The following LAMA1 variants were observed in gnomAD, a reference collection of about 807,000 sequenced individuals.
LAMA1 encodes laminin subunit alpha 1.
A neutral mutation model predicts 348.7 loss-of-function variants in LAMA1; 219 were observed. The ratio of observed to expected loss-of-function variants is 0.63; its 90% CI spans 0.56 to 0.70. LAMA1 has a LOEUF of 0.70. LAMA1 is among the 30% of genes least tolerant of loss of function. LAMA1 has a pLI of 0.00. For synonymous variants in LAMA1, 1,487 were observed against 1,491.0 expected (o/e 1.00, Z 0.06); for missense variants, 3,744 against 3,888.0 (o/e 0.96, Z 0.99).
chr18:7,013,530 T>C (rs74530019), intron 23 of LAMA1, among the ~76,000 whole-genome samples: 1,554 of 152,234 alleles, frequency 0.01, 11 homozygotes, highest in Middle Eastern at 0.034. Flanking sequence ...CTCACCTGCA[T>C]ACTCAAGATA....
In LAMA1 at chr18:6,964,757, G is replaced by A; in HGVS notation, c.7242C>T (p.Thr2414=). 6.2e-7 allele frequency: 1 copy of A among 1,614,026 alleles called. No homozygotes were observed. The highest frequency in any genetic ancestry group is 8.5e-7 in the Non-Finnish European group (1 of 1,180,006). ...IDAYNTSNKE[T]KQGETPGASS... is the part of the protein sequence containing the mutation. ...ATGCTCCCGGAGTCTCGCCCTGCTTGGTTTCTTTATTACTGGTGTTATAGG... is the reference window on the plus strand; with the variant it reads ...ATGCTCCCGGAGTCTCGCCCTGCTTAGTTTCTTTATTACTGGTGTTATAGG... Residue 2414 remains threonine, a synonymous_variant, in exon 51 of 63, where the codon ACC becomes ACT. Coordinates refer to ENST00000389658, the MANE Select transcript of LAMA1 (RefSeq NM_005559.4).
chr18:7,036,437 A>G (rs2144171642), intron 12 of LAMA1, among the ~76,000 whole-genome samples: 1 of 152,242 alleles, frequency 6.6e-6, no homozygotes, highest in East Asian at 1.9e-4. Context: ...ACCCATGTCT[A>G]CAATCTCCAC....
At chr18:6,978,547 A>G (rs780220549) in intron 42 of LAMA1, among the ~76,000 whole-genome samples, 169 bp from the exon 43 acceptor site, 17 of 152,134 alleles carry the variant, frequency 1.1e-4, no homozygotes, top group Non-Finnish European at 4.4e-5. Context: ...GGCAGTGGTC[A>G]ATGAACTAAG....
chr18:7,113,902 C>G (rs1304673721), intron 1 of LAMA1, among the ~76,000 whole-genome samples: 1 of 151,970 alleles, frequency 6.6e-6, no homozygotes, highest in Non-Finnish European at 1.5e-5. Flanking sequence ...TGGTGAAACC[C>G]CGTCTCTACT....
intron 3 of LAMA1, among the ~76,000 whole-genome samples, chr18:7,065,825 T>C (rs2058120660): frequency 1.3e-5 from 2 of 152,206 alleles, no homozygotes; most frequent in South Asian, 2.1e-4. Context: ...AGCTATGCCA[T>C]CCAGCTAATT....
intron 45 of LAMA1, 68 bp from the exon 46 acceptor site, chr18:6,975,104 T>C (rs2057675928): frequency 6.5e-7 from 1 of 1,543,040 alleles, no homozygotes; most frequent in Non-Finnish European, 8.8e-7. Flanking sequence ...CACAACACTT[T>C]ACAGAGTCAA....
chr18:7,098,947 A>G (rs1308458603), intron 1 of LAMA1, among the ~76,000 whole-genome samples: 2 of 151,266 alleles, frequency 1.3e-5, no homozygotes, highest in East Asian at 3.9e-4. Flanking sequence ...CTGCCCGGCC[A>G]CCACCCCGTC....
chr18:7,087,238 GTC>G (rs1209410382), intron 1 of LAMA1, among the ~76,000 whole-genome samples: 3 of 152,180 alleles, frequency 2.0e-5, no homozygotes, highest in African/African-American at 7.2e-5. Flanking sequence ...AGTTCATCAA[GTC>G]TTTAAATCTA....
At chr18:6,952,617 A>G (rs2057552017) in intron 57 of LAMA1, among the ~76,000 whole-genome samples, 1 of 152,222 alleles carries the variant, frequency 6.6e-6, no homozygotes, top group South Asian at 2.1e-4. Flanking sequence ...GTCTGAAAAT[A>G]CTAAATGGGA....
rs115999744 is a variant in LAMA1 at position 7,001,296 on chromosome 18, C to T, written c.4382+968G>A. 9.4e-3 allele frequency among the ~76,000 whole-genome samples: 1,352 copies of T among 144,070 alleles called. 23 individuals are homozygous for T. Among genetic ancestry groups the T allele is most frequent in the African/African-American group, 0.035 (1,299 of 37,182 alleles). The allele number at this position is 144,070 out of a possible 152,430, so 94.5% of individuals were successfully genotyped here. ...AACACAATGTATATAATCAATTCCC[C>T]GTAAGTAGATATTTCCGTTTTCCCC... On this transcript the variant is annotated intron_variant, in intron 30 of 62. Transcript: ENST00000389658.
Position 7,044,807 on chromosome 18 carries a change from G to C in LAMA1, c.891C>G (p.Cys297Trp). ...GACAGCACCTGTTACAGCTCTCCCC[G>C]CAAGTATTATGCTCACATTGACACT... Reference protein sequence around the residue: ...KLQCQCEHNTCGESCNRCCPG... With the variant: ...KLQCQCEHNTWGESCNRCCPG... Residue 297 changes from cysteine (C) to tryptophan (W), a missense_variant, in exon 7 of 63, where the codon TGC becomes TGG. Physicochemically the swap from Cys to Trp is radical, Grantham distance 215. This residue lies in a region of LAMA1 where 1,529 missense variants were observed against 1,689.4 expected (regional missense o/e 0.91). Transcript: ENST00000389658. 6.2e-7 allele frequency: 1 copy of C among 1,614,034 alleles called. No individual in the cohort carries two copies. The highest frequency in any genetic ancestry group is 2.2e-5 in the East Asian group (1 of 44,878).
In LAMA1 at chr18:7,117,746, T is replaced by G. The variant is rs760470084; in HGVS notation, c.-26A>C. 9.4e-6 allele frequency: 15 copies of G among 1,590,764 alleles called. No individual in the cohort carries two copies. Among genetic ancestry groups the G allele is most frequent in the Non-Finnish European group, 1.3e-5 (15 of 1,174,842 alleles). On this transcript the variant is annotated 5_prime_UTR_variant, in exon 1 of 63. Coordinates refer to ENST00000389658, the MANE Select transcript of LAMA1 (RefSeq NM_005559.4). Reference sequence around the variant, plus strand: ...CTCGCCTCCGCCGCCACTCGGTGGGTCTGGGGAGAAAGCCGCGCGCCCGCC... The same window carrying G: ...CTCGCCTCCGCCGCCACTCGGTGGGGCTGGGGAGAAAGCCGCGCGCCCGCC...
chr18:7,002,310 C>T lies in LAMA1; in HGVS notation c.4336G>A (p.Ala1446Thr). 1 of 1,613,534 alleles carries T rather than the reference C, an allele frequency of 6.2e-7. No homozygotes were observed. The change falls in exon 30 of 63, where the codon GCA becomes ACA. Residue 1446 changes from alanine (A) to threonine (T), a missense_variant. This residue lies in a region of LAMA1 where 1,983 missense variants were observed against 1,934.3 expected (regional missense o/e 1.03). Coordinates refer to ENST00000389658, the MANE Select transcript of LAMA1 (RefSeq NM_005559.4). ...SGYYGKVTGS[A>T]SDCALCACPH... is the part of the protein sequence containing the mutation. ...CAGGCACACAGAGCACAGTCACTTG[C>T]TGAGCCAGTCACCTTCCCGTAGTAG...
intron 3 of LAMA1, among the ~76,000 whole-genome samples, chr18:7,074,094 A>C (rs1375712544): frequency 6.6e-6 from 1 of 152,106 alleles, no homozygotes; most frequent in Admixed American, 6.5e-5. Flanking sequence ...CGGCCTCCCA[A>C]AGTGCTGGGA....
Position 7,019,869 on chromosome 18 carries a change from A to G in LAMA1, c.2702-2485T>C, listed in dbSNP as rs934655121. Among the ~76,000 whole-genome samples the G allele has an allele frequency of 2.0e-5, 3 of 151,560 alleles. No individual in the cohort carries two copies. In the East Asian group the frequency reaches 5.8e-4, roughly 29 times the overall value. On this transcript the variant is annotated intron_variant, in intron 19 of 62. Coordinates refer to ENST00000389658, the MANE Select transcript of LAMA1 (RefSeq NM_005559.4). ...GCTAATTTTTGTATTTTTAGTAGAG[A>G]TGGGGTTTTGCCATGTTGGGCAGGC...
At chr18:7,054,370 G>A (rs950694675) in intron 3 of LAMA1, among the ~76,000 whole-genome samples, 2 of 149,958 alleles carry the variant, frequency 1.3e-5, no homozygotes, top group Non-Finnish European at 3.0e-5. Flanking sequence ...TGTCAAGAAC[G>A]TAGTGAAAAT....
rs1568019012 is a variant in LAMA1 at position 6,985,616 on chromosome 18, G to A, written c.5407C>T (p.Gln1803Ter). 1 of 1,613,974 alleles carries A rather than the reference G, an allele frequency of 6.2e-7. No homozygotes were observed. The highest frequency in any genetic ancestry group is 1.7e-5 in the Admixed American group (1 of 60,014). The part of the protein sequence containing the change: ...SDKKLHVQEE[Q>*]NLTSELIVQG... ...ACAATGAGCTCTGAGGTCAGATTTT[G>A]TTCTTCTTGAACATGCAGCTTTTTA... The change falls in exon 38 of 63, where the codon CAA becomes TAA. Residue 1803 changes from glutamine to a stop codon, truncating the protein, a stop_gained. Transcript: ENST00000389658. LOFTEE classifies it high-confidence loss of function.
At chr18:7,031,566 G>A (rs1057053012) in intron 16 of LAMA1, among the ~76,000 whole-genome samples, 11 of 151,942 alleles carry the variant, frequency 7.2e-5, no homozygotes, top group African/African-American at 2.7e-4. Context: ...TGTGGCCTCA[G>A]CTACTTGGAG....
chr18:6,994,392 C>T lies in LAMA1; in HGVS notation c.4897-640G>A, dbSNP rs530959219. On this transcript the variant is annotated intron_variant, in intron 34 of 62. Transcript: ENST00000389658. ...TTAAAGGAAAGGTTGTTTGTAATTT[C>T]CAAGAATGTAGAGTAACCCAGTCTG... 4.6e-5 allele frequency among the ~76,000 whole-genome samples: 7 copies of T among 152,268 alleles called. No homozygotes were observed. In the South Asian group the frequency reaches 1.5e-3, roughly 32 times the overall value.
Sources: allele counts gnomAD v4.1 joint callset (sites outside exome capture counted in the v4.1 genomes callset), GRCh38; gene constraint gnomAD v4.1.1; regional missense constraint gnomAD v4.1.1; transcripts MANE v1.5; gene names NCBI Gene and HGNC (gene_info 2026-07-23, HGNC 2026-07-21).